Variants in DNAH2 observed in about 807,000 individuals in gnomAD.
The protein encoded by DNAH2 is dynein axonemal heavy chain 2.
Under a neutral mutation model 523.5 loss-of-function variants are expected in DNAH2, and 323 were observed. That is an observed-to-expected ratio of 0.62 (90% CI 0.56 to 0.68). The LOEUF is 0.68. DNAH2 is among the 30% of genes least tolerant of loss of function. The pLI is 0.00. For synonymous variants in DNAH2, 2,093 were observed against 2,177.4 expected, an observed-to-expected ratio of 0.96 and a Z score of 1.08; for missense variants, 4,907 against 5,701.5, an observed-to-expected ratio of 0.86 and a Z score of 4.49.
In DNAH2 at chr17:7,774,813, C is replaced by G; in HGVS notation, c.4556C>G (p.Ser1519Cys). ...ACAATCCTGGAAGATATTCAGAAAT[C>G]TCTGGATATGTATTTAGAGACCAAG... ...MNTILEDIQK[S>C]LDMYLETKRH... The change falls in exon 29 of 86, where the codon TCT becomes TGT. Residue 1519 changes from serine (S) to cysteine (C), a missense_variant. By Grantham distance (112) the Ser-to-Cys change is moderately radical. Coordinates refer to ENST00000572933, the MANE Select transcript of DNAH2 (RefSeq NM_020877.5). 6.2e-7 allele frequency: 1 copy of G among 1,614,214 alleles called. No individual in the cohort carries two copies. Among genetic ancestry groups the G allele is most frequent in the Non-Finnish European group, 8.5e-7 (1 of 1,180,036 alleles).
intron 77 of DNAH2, among the ~76,000 whole-genome samples, chr17:7,825,896 A>G (rs1046872778): frequency 6.6e-6 from 1 of 152,176 alleles, no homozygotes; most frequent in Non-Finnish European, 1.5e-5. Flanking sequence ...TAGAGGCAGG[A>G]TATTTTTTTA....
chr17:7,779,468 G>T lies in DNAH2; in HGVS notation c.5722+45G>T, dbSNP rs369028554. 4.4e-6 allele frequency: 7 copies of T among 1,581,574 alleles called. No individual in the cohort carries two copies. In the African/African-American group the frequency reaches 5.4e-5, roughly 12 times the overall value. On this transcript the variant is annotated intron_variant, in intron 36 of 85. Coordinates refer to ENST00000572933, the MANE Select transcript of DNAH2 (RefSeq NM_020877.5). ...TGGGACTCCTGGGGTGGGAAGAACT[G>T]GGTGTTCAGGGGAAATAACTGCGCA... is the stretch of plus-strand genomic sequence containing the variant.
In DNAH2 at chr17:7,798,091, T is replaced by A; in HGVS notation, c.8231-66T>A. ...GTTTCAGGGGCCCCAATCCCTAGCC[T>A]AGGGCCTGGAGGTCCCCTGAGTTTG... On this transcript the variant is annotated intron_variant, in intron 53 of 85. Transcript: ENST00000572933. This position sits in a 1 kb window ranked among gnomAD's most constrained non-coding sequence, Gnocchi z 5.5. 6.6e-7 allele frequency: 1 copy of A among 1,517,594 alleles called. No homozygotes were observed. Among genetic ancestry groups the A allele is most frequent in the Non-Finnish European group, 8.8e-7 (1 of 1,134,180 alleles). 94.0% of individuals were successfully genotyped at this position (1,517,594 alleles called of 1,614,324 possible). A position where few individuals can be genotyped will look rare whatever the true frequency, so the allele number is the denominator to read the frequency against.
rs914546643 is a variant in DNAH2 at position 7,824,443 on chromosome 17, C to A, written c.11663-94C>A. On this transcript the variant is annotated intron_variant, in intron 76 of 85. Transcript: ENST00000572933. ...GAAGTGGCAGATCTTAGTGTTAGGC[C>A]CCCCCAGCACCCCCACCCCAACACC... 3.3e-5 allele frequency: 46 copies of A among 1,388,282 alleles called. 1 individual carries two copies. Among genetic ancestry groups the A allele is most frequent in the South Asian group, 8.2e-5 (5 of 61,244 alleles). The allele number at this position is 1,388,282 out of a possible 1,614,324, so 86.0% of individuals were successfully genotyped here. A position where few individuals can be genotyped will look rare whatever the true frequency, so the allele number is the denominator to read the frequency against.
intron 46 of DNAH2, 92 bp from the exon 47 acceptor site, chr17:7,792,565 G>A (rs2076928286): frequency 1.7e-6 from 2 of 1,176,300 alleles, no homozygotes; most frequent in African/African-American, 3.0e-5. Context: ...GCAGGGTGCT[G>A]ATGAGACAGT....
chr17:7,791,054 A>G (rs1389220832), intron 44 of DNAH2, among the ~76,000 whole-genome samples: 2 of 151,746 alleles, frequency 1.3e-5, no homozygotes, highest in African/African-American at 4.8e-5. Context: ...ATGGGTATCC[A>G]TAGAAAATAT....
intron 18 of DNAH2, among the ~76,000 whole-genome samples, chr17:7,761,456 T>C (rs963399365): frequency 6.6e-6 from 1 of 152,036 alleles, no homozygotes; most frequent in Non-Finnish European, 1.5e-5. Context: ...TTAAAATTTT[T>C]TGTAGAGATT....
intron 9 of DNAH2, 132 bp downstream of exon 9, chr17:7,740,070 G>GGT: frequency 1.4e-6 from 1 of 727,076 alleles, no homozygotes; most frequent in African/African-American, 1.9e-5. Flanking sequence ...GTGGCCCGGG[G>GGT]GGGGGGACAG....
chr17:7,773,280 C>T (rs991000255), intron 28 of DNAH2, among the ~76,000 whole-genome samples: 21 of 152,292 alleles, frequency 1.4e-4, no homozygotes, highest in African/African-American at 4.3e-4. Flanking sequence ...GTGCACATGC[C>T]ATGTATCTAA....
At position 7,821,324 on chromosome 17, in the gene DNAH2, C is replaced by T; in HGVS notation, c.11097C>T (p.Gly3699=). The change falls in exon 73 of 86, where the codon GGC becomes GGT. Residue 3699 remains glycine (G), a synonymous_variant. Transcript: ENST00000572933. The surrounding 1 kb of genome is among the most constrained non-coding windows in gnomAD (Gnocchi z 5.0). ...HMCAKILETS[G]KLNMDEYNFF... ...GTGCCAAAATCTTGGAGACTTCTGG[C>T]AAGCTCAACATGGATGAATACAACT... The T allele has an allele frequency of 1.2e-6, 2 of 1,613,858 alleles. No homozygotes were observed. Among genetic ancestry groups the T allele is most frequent in the Non-Finnish European group, 1.7e-6 (2 of 1,179,866 alleles).
chr17:7,753,183 G>A (rs972501209), intron 12 of DNAH2, among the ~76,000 whole-genome samples: 1 of 152,208 alleles, frequency 6.6e-6, no homozygotes, highest in African/African-American at 2.4e-5. Flanking sequence ...AGGATGCATG[G>A]TTCTGGTGTA....
intron 1 of DNAH2, 104 bp from the exon 2 acceptor site, chr17:7,719,617 T>C: frequency 7.2e-7 from 1 of 1,395,496 alleles, no homozygotes; most frequent in South Asian, 1.2e-5. Context: ...GATGATCATA[T>C]TGAGTTTCAG....
At chr17:7,736,975 T>G in intron 7 of DNAH2, 92 bp from the exon 8 acceptor site, 4 of 1,224,160 alleles carry the variant, frequency 3.3e-6, no homozygotes, top group Non-Finnish European at 4.5e-6. Flanking sequence ...AGAGTAAAAC[T>G]CCATCTAAAA....
intron 4 of DNAH2, among the ~76,000 whole-genome samples, chr17:7,731,158 TAAAAA>T (rs2074976130): frequency 6.7e-6 from 1 of 149,372 alleles, no homozygotes; most frequent in Admixed American, 6.7e-5. Flanking sequence ...TAAATTAAAT[TAAAAA>T]GAAAAAGAAA....
In DNAH2 at chr17:7,768,029, C is replaced by T. The variant is rs780485599; in HGVS notation, c.3805C>T (p.Arg1269Cys). ...GGAGACCACGGCCCACGGGCTGTTT[C>T]GTCGCCTCACAAAATTAGCCAAAGA... ...TMETTAHGLF[R>C]RLTKLAKEYK... Residue 1269 changes from arginine (R) to cysteine (C), a missense_variant, in exon 23 of 86, where the codon CGT becomes TGT. Transcript: ENST00000572933. 1.9e-5 allele frequency: 30 copies of T among 1,614,006 alleles called. No homozygotes were observed. Among genetic ancestry groups the T allele is most frequent in the South Asian group, 9.9e-5 (9 of 91,080 alleles).
intron 18 of DNAH2, 92 bp downstream of exon 18, chr17:7,761,024 G>T (rs1438608310): frequency 6.7e-7 from 1 of 1,493,440 alleles, no homozygotes; most frequent in Non-Finnish European, 9.1e-7. Context: ...GTGGGTAGGG[G>T]AGCTGAGGAT....
chr17:7,822,387 C>A (rs944038531), intron 73 of DNAH2, among the ~76,000 whole-genome samples: 1 of 152,234 alleles, frequency 6.6e-6, no homozygotes, highest in African/African-American at 2.4e-5. Flanking sequence ...CCTCCCCAAA[C>A]CCCCTGGCAC....
intron 13 of DNAH2, among the ~76,000 whole-genome samples, chr17:7,757,962 T>A (rs183119878): frequency 2.0e-5 from 3 of 152,268 alleles, no homozygotes; most frequent in African/African-American, 2.4e-5. Flanking sequence ...CCTAACACCA[T>A]CACTGTGGGA....
At chr17:7,816,453 G>T in intron 63 of DNAH2, 118 bp from the exon 64 acceptor site, 1 of 1,199,544 alleles carries the variant, frequency 8.3e-7, no homozygotes. Context: ...TAGGCTCAAA[G>T]AGATTAATTT....
Sources: gnomAD v4.1 joint callset for allele counts (sites outside exome capture counted in the v4.1 genomes callset) on GRCh38, gnomAD v4.1.1 for gene constraint, Gnocchi (gnomAD v3.1) non-coding constraint, MANE v1.5 for transcripts, NCBI Gene and HGNC (gene_info 2026-07-23, HGNC 2026-07-21) for gene names.